The following EEF1AKMT2 variants were observed in gnomAD, a reference collection of about 807,000 sequenced individuals.
EEF1AKMT2 encodes the protein eukaryotic translation elongation factor 1 alpha lysine methyltransferase 2.
In EEF1AKMT2, 32 loss-of-function variants were observed where a neutral mutation model predicts 35.8. The ratio of observed to expected loss-of-function variants is 0.89; its 90% CI spans 0.67 to 1.20. The LOEUF (loss-of-function observed/expected upper bound fraction) is 1.20. EEF1AKMT2 is among the 50% of genes most tolerant of loss of function. The pLI is 0.00. For missense variants in EEF1AKMT2, 330 were observed against 347.5 expected, an observed-to-expected ratio of 0.95 and a Z score of 0.40; for synonymous variants, 121 against 133.7, an observed-to-expected ratio of 0.91 and a Z score of 0.65.
intron 2 of EEF1AKMT2, among the ~76,000 whole-genome samples, chr10:124,789,471 T>C (rs145525352): frequency 2.0e-5 from 3 of 152,204 alleles, no homozygotes; most frequent in African/African-American, 4.8e-5. Context: ...CAAACGTAAA[T>C]GTGAGATATT....
chr10:124,757,205 A>G (rs1005956137), downstream of EEF1AKMT2, among the ~76,000 whole-genome samples: 4 of 124,664 alleles, frequency 3.2e-5, no homozygotes, highest in African/African-American at 1.4e-4. Flanking sequence ...CACACACGAC[A>G]TTAGCTAAAG....
At chr10:124,757,421 G>A (rs1011707538), downstream of EEF1AKMT2, among the ~76,000 whole-genome samples, 10 of 151,910 alleles carry the variant, frequency 6.6e-5, 1 homozygote, top group South Asian at 4.2e-4. Flanking sequence ...CACACAATTC[G>A]TAAAATAAAA....
intron 6 of EEF1AKMT2, 113 bp downstream of exon 6, chr10:124,762,187 A>G (rs1950337197): frequency 2.4e-6 from 2 of 821,276 alleles, no homozygotes; most frequent in African/African-American, 1.8e-5. Flanking sequence ...CATCAAATTC[A>G]CTGTGATTTT....
At chr10:124,757,677 G>A (rs551392722), downstream of EEF1AKMT2, among the ~76,000 whole-genome samples, 2 of 150,556 alleles carry the variant, frequency 1.3e-5, no homozygotes, top group Non-Finnish European at 3.0e-5. Flanking sequence ...TTCATAAAAA[G>A]ACTAAAAGTC....
intron 2 of EEF1AKMT2, 34 bp downstream of exon 2, chr10:124,790,239 T>G (rs1950622777): frequency 6.8e-7 from 1 of 1,461,370 alleles, no homozygotes; most frequent in Middle Eastern, 1.7e-4. Flanking sequence ...CATATAATCT[T>G]CTAGATTATA....
At chr10:124,757,728 A>AT (rs1250188190), downstream of EEF1AKMT2, 1 of 152,120 alleles carries the variant, frequency 6.6e-6, no homozygotes, top group Non-Finnish European at 1.5e-5. Flanking sequence ...CAAAAAAAAA[A>AT]CAAAAAAACA....
chr10:124,781,127 G>A (rs577656478), intron 3 of EEF1AKMT2, among the ~76,000 whole-genome samples: 1 of 151,978 alleles, frequency 6.6e-6, no homozygotes, highest in East Asian at 2.0e-4. Flanking sequence ...TTGTATTTTA[G>A]TAGAGATGGG....
At chr10:124,780,807 A>G (rs550591388) in intron 3 of EEF1AKMT2, among the ~76,000 whole-genome samples, 2 of 152,328 alleles carry the variant, frequency 1.3e-5, no homozygotes, top group African/African-American at 4.8e-5. Context: ...CACAGCACAC[A>G]TCATAAGCAA....
intron 3 of EEF1AKMT2, among the ~76,000 whole-genome samples, chr10:124,780,436 G>C (rs7099316): frequency 1.3e-5 from 2 of 151,968 alleles, no homozygotes; most frequent in African/African-American, 4.8e-5. Context: ...AAATCATGCA[G>C]TAAAAAATTA....
chr10:124,787,452 A>C (rs867288341), intron 3 of EEF1AKMT2, among the ~76,000 whole-genome samples: 87 of 151,168 alleles, frequency 5.8e-4, no homozygotes, highest in Middle Eastern at 3.4e-3. Context: ...AAAAAAAAAA[A>C]AAAAAGCCTG....
intron 5 of EEF1AKMT2, 51 bp downstream of exon 5, chr10:124,765,341 G>A (rs1177496666): frequency 4.8e-6 from 7 of 1,458,748 alleles, no homozygotes; most frequent in Non-Finnish European, 5.7e-6. Flanking sequence ...ACCTATTTAA[G>A]TACATGAAAC....
intron 3 of EEF1AKMT2, among the ~76,000 whole-genome samples, chr10:124,784,879 C>A (rs1950571214): frequency 6.7e-6 from 1 of 149,828 alleles, no homozygotes; most frequent in Non-Finnish European, 1.5e-5. Flanking sequence ...TGAAGTGAAC[C>A]AAGATCACAC....
Position 124,759,209 on chromosome 10 carries a change from C to T in EEF1AKMT2, c.*1294G>A, listed in dbSNP as rs1950310069. 6.6e-6 allele frequency: 1 copy of T among 152,102 alleles called. No individual in the cohort carries two copies. Among genetic ancestry groups the T allele is most frequent in the Non-Finnish European group, 1.5e-5 (1 of 67,996 alleles). 9.4% of individuals were successfully genotyped at this position (152,102 alleles called of 1,614,324 possible). A position where few individuals can be genotyped will look rare whatever the true frequency, so the allele number is the denominator to read the frequency against. The stretch of plus-strand genomic sequence containing the variant: ...GGTATTAAGTATGAATATGACTTAT[C>T]TTTTCAAAAACATTAATAAACTGTT... On this transcript the variant is annotated 3_prime_UTR_variant, in exon 7 of 7. Coordinates refer to ENST00000368836, the MANE Select transcript of EEF1AKMT2 (RefSeq NM_212554.4).
At chr10:124,763,511 A>G (rs1364220483) in intron 5 of EEF1AKMT2, among the ~76,000 whole-genome samples, 1 of 152,200 alleles carries the variant, frequency 6.6e-6, no homozygotes, top group Non-Finnish European at 1.5e-5. Flanking sequence ...TCTAACTCCA[A>G]ATACCATTTT....
chr10:124,790,481 T>C (rs1352114282), intron 1 of EEF1AKMT2, 143 bp from the exon 2 acceptor site: 1 of 642,980 alleles, frequency 1.6e-6, no homozygotes, highest in Non-Finnish European at 2.8e-6. Flanking sequence ...CATAGTTCAA[T>C]CTTTTAACGT....
chr10:124,765,959 T>C (rs532869824), intron 4 of EEF1AKMT2, among the ~76,000 whole-genome samples: 80 of 152,142 alleles, frequency 5.3e-4, no homozygotes, highest in Admixed American at 2.0e-3. Context: ...ATTTGACATA[T>C]TCTTAAAAAT....
chr10:124,778,191 T>TATAC (rs1302551149), intron 3 of EEF1AKMT2, among the ~76,000 whole-genome samples: 2 of 147,692 alleles, frequency 1.4e-5, no homozygotes, highest in Non-Finnish European at 3.0e-5. Flanking sequence ...ACACACAGTC[T>TATAC]ATACATACAC....
rs1412341112 is a variant in EEF1AKMT2 at position 124,782,304 on chromosome 10, C to A, written c.291+6739G>T. 4.0e-5 allele frequency among the ~76,000 whole-genome samples: 6 copies of A among 151,878 alleles called. No individual in the cohort carries two copies. The South Asian group carries it at 1.2e-3, about 32-fold the overall frequency. ...CTGAGGTCAAGAGTTCAAGACCGGC[C>A]GGGTGCGGTGGCTCACGCCTGTAAT... On this transcript the variant is annotated intron_variant, in intron 3 of 6. Transcript: ENST00000368836.
intron 5 of EEF1AKMT2, among the ~76,000 whole-genome samples, chr10:124,765,159 T>G (rs1564900435): frequency 6.6e-6 from 1 of 152,228 alleles, no homozygotes; most frequent in East Asian, 1.9e-4. Context: ...AGTACTTAAC[T>G]GCCAAGATTT....
Sources: gnomAD v4.1 joint callset for allele counts (sites outside exome capture counted in the v4.1 genomes callset) on GRCh38, gnomAD v4.1.1 for gene constraint, MANE v1.5 for transcripts, NCBI Gene and HGNC (gene_info 2026-07-23, HGNC 2026-07-21) for gene names.